Variants in ALPK1 observed in about 807,000 individuals in gnomAD.
ALPK1 encodes the protein alpha kinase 1.
In ALPK1, 110 loss-of-function variants were observed where a neutral mutation model predicts 120.6. The observed-to-expected ratio is 0.91, with a 90% CI of 0.78 to 1.07. The LOEUF (loss-of-function observed/expected upper bound fraction) is 1.07. ALPK1 is among the 50% of genes least tolerant of loss of function. The pLI is 0.00. For missense variants in ALPK1, 1,498 were observed against 1,483.9 expected, an observed-to-expected ratio of 1.01 and a Z score of -0.16; for synonymous variants, 582 against 560.3, an observed-to-expected ratio of 1.04 and a Z score of -0.55.
intron 4 of ALPK1, among the ~76,000 whole-genome samples, chr4:112,404,845 T>C (rs1261455490): frequency 6.6e-6 from 1 of 152,194 alleles, no homozygotes; most frequent in African/African-American, 2.4e-5. Context: ...GAAGCTTGCT[T>C]CTAAGCTATC....
At chr4:112,324,102 C>T (rs997865018) in intron 2 of ALPK1, among the ~76,000 whole-genome samples, 6 of 151,940 alleles carry the variant, frequency 3.9e-5, no homozygotes, top group Admixed American at 6.6e-5. Flanking sequence ...CCAAGGCGGG[C>T]GGATCACGAG....
chr4:112,382,524 T>C lies in ALPK1; in HGVS notation c.248T>C (p.Val83Ala). 6.2e-7 allele frequency: 1 copy of C among 1,614,106 alleles called. No homozygotes were observed. ...GAGGACAAAACAAACCTGAAGGATG[T>C]GATTGGCGCCGGGTTGCAGCAGTTA... ...GPEDKTNLKD[V>A]IGAGLQQLLA... The change falls in exon 4 of 16, where the codon GTG (valine) becomes GCG (alanine). Residue 83 changes from valine (V) to alanine (A), a missense_variant. Physicochemically the swap from Val to Ala is moderately conservative, Grantham distance 64. Coordinates refer to ENST00000650871, the MANE Select transcript of ALPK1 (RefSeq NM_025144.4).
At chr4:112,429,380 A>G in intron 10 of ALPK1, 127 bp downstream of exon 10, 1 of 719,738 alleles carries the variant, frequency 1.4e-6, no homozygotes, top group Non-Finnish European at 2.3e-6. Context: ...GGCAATTGTG[A>G]TAAGACTCCA....
At chr4:112,389,164 C>A (rs962158059) in intron 4 of ALPK1, among the ~76,000 whole-genome samples, 1 of 151,998 alleles carries the variant, frequency 6.6e-6, no homozygotes, top group African/African-American at 2.4e-5. Context: ...CCTGCCTCAG[C>A]CTCCTGAGTA....
chr4:112,358,429 T>C, intron 2 of ALPK1: 1 of 648,042 alleles, frequency 1.5e-6, no homozygotes, highest in Non-Finnish European at 2.8e-6. Flanking sequence ...CTAAGTCAAC[T>C]GGCCCCCTCC....
In ALPK1 at chr4:112,431,089, A is replaced by C. The variant is rs554262050; in HGVS notation, c.1542A>C (p.Arg514Ser). ...STTQEKPHCQ[R>S]DTGISSSLMG... is the part of the protein sequence containing the mutation. ...CTCAAGAAAAGCCACATTGTCAAAG[A>C]GACACAGGAATATCTTCCTCCCTAA... Residue 514 changes from arginine to serine, a missense_variant, in exon 11 of 16, where the codon AGA becomes AGC. By Grantham distance (110) the Arg-to-Ser change is moderately radical. Transcript: ENST00000650871. 3 of 1,614,258 alleles carry C rather than the reference A, an allele frequency of 1.9e-6. No individual in the cohort carries two copies. In the Admixed American group the frequency reaches 5.0e-5, roughly 27 times the overall value.
chr4:112,352,809 A>G (rs992823979), intron 2 of ALPK1: 8 of 152,050 alleles, frequency 5.3e-5, no homozygotes, highest in Non-Finnish European at 1.2e-4. Context: ...AGATTTACCC[A>G]TGTTGTTATA....
intron 4 of ALPK1, among the ~76,000 whole-genome samples, chr4:112,398,351 G>A (rs1034111854): frequency 3.2e-4 from 48 of 152,126 alleles, no homozygotes; most frequent in African/African-American, 1.2e-3. Flanking sequence ...CACATGTGAT[G>A]GTGTGATCAT....
intron 4 of ALPK1, among the ~76,000 whole-genome samples, chr4:112,403,478 A>C (rs933157914): frequency 2.6e-5 from 4 of 152,210 alleles, no homozygotes; most frequent in African/African-American, 9.6e-5. Flanking sequence ...TGCATTTTGC[A>C]TCGTTAGGTC....
chr4:112,427,852 C>T (rs1236385247), intron 9 of ALPK1, 187 bp downstream of exon 9: 5 of 547,212 alleles, frequency 9.1e-6, no homozygotes, highest in African/African-American at 3.8e-5. Flanking sequence ...ATCCCAGCGC[C>T]TAGCACTGTA....
At chr4:112,389,479 C>T (rs965012) in intron 4 of ALPK1, among the ~76,000 whole-genome samples, 52,514 of 152,118 alleles carry the variant, frequency 0.35, 9,196 homozygotes, top group East Asian at 0.53. Flanking sequence ...AAGTTTGTCT[C>T]AGAAAGAACC....
At chr4:112,381,443 A>G (rs1272121764) in intron 3 of ALPK1, among the ~76,000 whole-genome samples, 1 of 152,244 alleles carries the variant, frequency 6.6e-6, no homozygotes, top group African/African-American at 2.4e-5. Flanking sequence ...GCTGGCAGTC[A>G]TATATACAGG....
chr4:112,433,713 G>A (rs770613048), intron 11 of ALPK1, among the ~76,000 whole-genome samples: 1 of 152,116 alleles, frequency 6.6e-6, no homozygotes, highest in Middle Eastern at 3.2e-3. Context: ...ACAGAAAAAT[G>A]ATTTGAATGA....
Position 112,432,381 on chromosome 4 carries a change from A to G in ALPK1, c.2834A>G (p.Asp945Gly). 1 of 1,614,086 alleles carries G rather than the reference A, an allele frequency of 6.2e-7. No individual in the cohort carries two copies. Among genetic ancestry groups the G allele is most frequent in the Non-Finnish European group, 8.5e-7 (1 of 1,180,002 alleles). ...PAFSSGSSEGDSPWSYLNSSG... is the reference protein window; with the variant it reads ...PAFSSGSSEGGSPWSYLNSSG... ...TTTTCCAGTGGTTCTTCTGAGGGGG[A>G]CAGCCCTTGGTCCTATCTGAATTCC... The change falls in exon 11 of 16, where the codon GAC (aspartate) becomes GGC (glycine). Residue 945 changes from aspartate (D) to glycine (G), a missense_variant. Transcript: ENST00000650871.
chr4:112,430,694 A>T lies in ALPK1; in HGVS notation c.1147A>T (p.Lys383Ter). 1 of 1,614,214 alleles carries T rather than the reference A, an allele frequency of 6.2e-7. No individual in the cohort carries two copies. The highest frequency in any genetic ancestry group is 8.5e-7 in the Non-Finnish European group (1 of 1,180,038). The change falls in exon 11 of 16, where the codon AAG becomes TAG. Residue 383 changes from lysine to a stop codon, truncating the protein, a stop_gained. Transcript: ENST00000650871. LOFTEE classifies it high-confidence loss of function. Reference protein sequence around the residue: ...GTVHAASQLCKEAMGKLYNFS... With the variant: ...GTVHAASQLC Reference sequence around the variant, plus strand: ...GGTCCATGCAGCAAGTCAGCTCTGTAAGGAAGCAATGGGGAAGCTGTACAA... The same window carrying T: ...GGTCCATGCAGCAAGTCAGCTCTGTTAGGAAGCAATGGGGAAGCTGTACAA...
intron 4 of ALPK1, among the ~76,000 whole-genome samples, chr4:112,394,927 T>C (rs1250215777): frequency 6.6e-6 from 1 of 152,190 alleles, no homozygotes; most frequent in Non-Finnish European, 1.5e-5. Context: ...AGGGATGTGA[T>C]CATTCTTTCT....
intron 2 of ALPK1, among the ~76,000 whole-genome samples, chr4:112,375,674 C>A (rs571340514): frequency 4.1e-4 from 63 of 152,140 alleles, no homozygotes; most frequent in African/African-American, 1.5e-3. Flanking sequence ...TTCTCCATAT[C>A]AGCAATAAGG....
intron 3 of ALPK1, 23 bp downstream of exon 3, chr4:112,377,921 C>T: frequency 6.3e-7 from 1 of 1,587,098 alleles, no homozygotes; most frequent in Non-Finnish European, 8.6e-7. Flanking sequence ...TGGGAGGCAC[C>T]AGGGGTGAAC....
At chr4:112,325,303 T>C (rs1729064039) in intron 2 of ALPK1, among the ~76,000 whole-genome samples, 1 of 152,234 alleles carries the variant, frequency 6.6e-6, no homozygotes, top group Non-Finnish European at 1.5e-5. Flanking sequence ...TTACCAGCCA[T>C]GATTTTTTTC....
Sources: allele counts gnomAD v4.1 joint callset (sites outside exome capture counted in the v4.1 genomes callset), GRCh38; gene constraint gnomAD v4.1.1; transcripts MANE v1.5; gene names NCBI Gene and HGNC (gene_info 2026-07-23, HGNC 2026-07-21).